Variants in AGBL4 observed in about 807,000 individuals in gnomAD.
AGBL4 encodes the protein cytosolic carboxypeptidase 6.
In AGBL4, 58 loss-of-function variants were observed where a neutral mutation model predicts 66.4. The observed-to-expected ratio is 0.87, with a 90% CI of 0.71 to 1.09. The LOEUF (loss-of-function observed/expected upper bound fraction) is 1.09, where lower values mean the gene tolerates loss of function less well. Among genes scored for constraint, AGBL4 ranks in the 50% least tolerant of loss-of-function variants. AGBL4 has a pLI of 0.00. For missense variants in AGBL4, 579 were observed against 631.0 expected (o/e 0.92, Z 0.88); for synonymous variants, 234 against 222.9 (o/e 1.05, Z -0.44).
intron 1 of AGBL4, among the ~76,000 whole-genome samples, chr1:49,934,132 G>T (rs1278650828): frequency 6.6e-6 from 1 of 152,154 alleles, no homozygotes; most frequent in Non-Finnish European, 1.5e-5. Flanking sequence ...AGATAGCAAT[G>T]TGTACATATG....
intron 6 of AGBL4, among the ~76,000 whole-genome samples, chr1:48,727,000 TC>T (rs1414282249): frequency 6.6e-6 from 1 of 152,236 alleles, no homozygotes; most frequent in African/African-American, 2.4e-5. Flanking sequence ...CATGCATACT[TC>T]ACAGGCATTA....
intron 4 of AGBL4, among the ~76,000 whole-genome samples, chr1:49,061,117 C>T (rs1479356084): frequency 6.6e-6 from 1 of 152,158 alleles, no homozygotes; most frequent in Non-Finnish European, 1.5e-5. Context: ...TAGCCAATGA[C>T]TTTCAGCTCT....
intron 6 of AGBL4, among the ~76,000 whole-genome samples, chr1:48,747,731 AC>A (rs1361883172): frequency 6.6e-6 from 1 of 152,132 alleles, no homozygotes; most frequent in African/African-American, 2.4e-5. Context: ...ATGAAATTAC[AC>A]CATTTTCTAT....
At chr1:49,866,004 A>G in intron 1 of AGBL4, 1 of 315,116 alleles carries the variant, frequency 3.2e-6, no homozygotes. Flanking sequence ...TGAGGAAAGA[A>G]TTTCAGAGCT....
At chr1:49,243,789 G>A (rs1651422023) in intron 4 of AGBL4, among the ~76,000 whole-genome samples, 1 of 151,694 alleles carries the variant, frequency 6.6e-6, no homozygotes, top group South Asian at 2.1e-4. Flanking sequence ...GGGATGGTAA[G>A]GTAAAAAATA....
chr1:49,117,951 G>T (rs1645565014), intron 4 of AGBL4, among the ~76,000 whole-genome samples: 1 of 152,068 alleles, frequency 6.6e-6, no homozygotes, highest in Admixed American at 6.6e-5. Context: ...TTGTAAGTTG[G>T]ATTCCTAGGT....
chr1:48,983,068 T>G (rs1186580198), intron 5 of AGBL4, among the ~76,000 whole-genome samples: 2 of 152,148 alleles, frequency 1.3e-5, no homozygotes, highest in African/African-American at 4.8e-5. Context: ...GTATGATCAG[T>G]TGTACAGATG....
chr1:49,502,025 C>T (rs1036798809), intron 3 of AGBL4, among the ~76,000 whole-genome samples: 1 of 152,092 alleles, frequency 6.6e-6, no homozygotes, highest in African/African-American at 2.4e-5. Flanking sequence ...TTTGTAACCT[C>T]ACATATTATA....
At chr1:49,645,887 T>C (rs1056118805) in intron 3 of AGBL4, among the ~76,000 whole-genome samples, 2 of 151,142 alleles carry the variant, frequency 1.3e-5, no homozygotes, top group East Asian at 1.9e-4. Context: ...GTTAAGCTAA[T>C]TCACCATTTT....
intron 3 of AGBL4, among the ~76,000 whole-genome samples, chr1:49,275,423 A>T (rs191219480): frequency 7.8e-4 from 119 of 152,302 alleles, no homozygotes; most frequent in African/African-American, 2.8e-3. Flanking sequence ...AGGCTTTTAA[A>T]TGTCTAATCT....
At chr1:48,568,333 GCTGGTTTGACTGAT>G in intron 11 of AGBL4, among the ~76,000 whole-genome samples, 1 of 151,878 alleles carries the variant, frequency 6.6e-6, no homozygotes, top group Middle Eastern at 3.2e-3. Flanking sequence ...TCTGCAGGTG[GCTGGTTTGACTGAT>G]CTAGAATCAA....
intron 4 of AGBL4, among the ~76,000 whole-genome samples, chr1:49,208,584 C>A (rs1189070473): frequency 3.9e-5 from 6 of 152,080 alleles, no homozygotes; most frequent in Non-Finnish European, 8.8e-5. Context: ...AGAGAAGATG[C>A]ATTCTTGGTT....
intron 3 of AGBL4, among the ~76,000 whole-genome samples, chr1:49,288,595 T>C (rs1644472117): frequency 6.6e-6 from 1 of 152,106 alleles, no homozygotes; most frequent in Admixed American, 6.5e-5. Context: ...CATGGTGAAA[T>C]GCTAATAAAA....
intron 4 of AGBL4, among the ~76,000 whole-genome samples, chr1:49,046,956 G>A (rs1644096078): frequency 6.6e-6 from 1 of 152,152 alleles, no homozygotes; most frequent in South Asian, 2.1e-4. Context: ...ACAAATGTGA[G>A]GAGGAAGGTT....
chr1:49,854,114 A>G (rs370796658), intron 1 of AGBL4, among the ~76,000 whole-genome samples: 13 of 152,230 alleles, frequency 8.5e-5, no homozygotes, highest in East Asian at 5.8e-4. Flanking sequence ...CCATATGGAA[A>G]AGTAAAATAT....
At chr1:48,940,404 A>C (rs1436599147) in intron 5 of AGBL4, among the ~76,000 whole-genome samples, 1 of 152,114 alleles carries the variant, frequency 6.6e-6, no homozygotes, top group Non-Finnish European at 1.5e-5. Context: ...GAGTTGAGGA[A>C]ATTGGCAGAG....
chr1:48,925,151 C>T (rs968865182), intron 5 of AGBL4, among the ~76,000 whole-genome samples: 5 of 67,688 alleles, frequency 7.4e-5, no homozygotes, highest in Admixed American at 5.5e-4. Flanking sequence ...TATATACATA[C>T]ACACACACAC....
chr1:49,074,576 T>C (rs1644674693), intron 4 of AGBL4, among the ~76,000 whole-genome samples: 1 of 152,220 alleles, frequency 6.6e-6, no homozygotes, highest in Admixed American at 6.5e-5. Flanking sequence ...AAGCCCATTA[T>C]CTTGTTTAAC....
intron 2 of AGBL4, among the ~76,000 whole-genome samples, chr1:49,811,619 T>C (rs1014629207): frequency 1.3e-5 from 2 of 152,098 alleles, no homozygotes; most frequent in African/African-American, 4.8e-5. Context: ...ATATTCACCA[T>C]ATTATTAAAA....
Sources: allele counts gnomAD v4.1 joint callset (sites outside exome capture counted in the v4.1 genomes callset), GRCh38; gene constraint gnomAD v4.1.1; transcripts MANE v1.5; gene names NCBI Gene and HGNC (gene_info 2026-07-23, HGNC 2026-07-21).